The following KCTD8 variants were observed in gnomAD, a reference collection of about 807,000 sequenced individuals.
The protein encoded by KCTD8 is potassium channel tetramerization domain containing 8.
Under a neutral mutation model 31.5 loss-of-function variants are expected in KCTD8, and 27 were observed. The ratio of observed to expected loss-of-function variants is 0.86; its 90% CI spans 0.63 to 1.18. The LOEUF is 1.18. KCTD8 is among the 50% of genes most tolerant of loss of function. KCTD8 has a pLI of 0.00. For missense variants in KCTD8, 658 were observed against 647.7 expected (o/e 1.02, Z -0.17); for synonymous variants, 290 against 280.0 (o/e 1.04, Z -0.36).
chr4:44,418,784 T>C (rs1721140628), intron 1 of KCTD8, among the ~76,000 whole-genome samples: 1 of 152,162 alleles, frequency 6.6e-6, no homozygotes, highest in Non-Finnish European at 1.5e-5. Flanking sequence ...TAAAAACAGA[T>C]ACTATGCATC....
chr4:44,186,316 C>A (rs1192779631), intron 1 of KCTD8, among the ~76,000 whole-genome samples: 2 of 152,210 alleles, frequency 1.3e-5, no homozygotes, highest in Non-Finnish European at 2.9e-5. Context: ...AGGCAAAAAA[C>A]ACCTTTCCAC....
At chr4:44,292,016 T>A (rs1412369135) in intron 1 of KCTD8, among the ~76,000 whole-genome samples, 1 of 147,036 alleles carries the variant, frequency 6.8e-6, no homozygotes, top group African/African-American at 2.5e-5. Context: ...GAAAGAACAC[T>A]TATACACTCT....
At chr4:44,246,719 T>A (rs1715677843) in intron 1 of KCTD8, among the ~76,000 whole-genome samples, 1 of 151,976 alleles carries the variant, frequency 6.6e-6, no homozygotes, top group Non-Finnish European at 1.5e-5. Flanking sequence ...CATTCCCCCA[T>A]TTCTACCTTC....
intron 1 of KCTD8, among the ~76,000 whole-genome samples, chr4:44,192,668 T>C (rs1713799805): frequency 6.6e-6 from 1 of 152,152 alleles, no homozygotes; most frequent in South Asian, 2.1e-4. Flanking sequence ...GAATGCCAAC[T>C]TGATTGGATT....
At chr4:44,250,120 C>A (rs530551630) in intron 1 of KCTD8, among the ~76,000 whole-genome samples, 1 of 151,710 alleles carries the variant, frequency 6.6e-6, no homozygotes, top group African/African-American at 2.4e-5. Flanking sequence ...TGTGAAAATG[C>A]ACATGTGTAA....
At chr4:44,267,567 A>T (rs530707380) in intron 1 of KCTD8, among the ~76,000 whole-genome samples, 1 of 152,186 alleles carries the variant, frequency 6.6e-6, no homozygotes, top group Non-Finnish European at 1.5e-5. Flanking sequence ...AAGGAAATAG[A>T]GACAAATAAA....
intron 1 of KCTD8, among the ~76,000 whole-genome samples, chr4:44,330,583 A>G (rs1315762842): frequency 6.6e-6 from 1 of 152,008 alleles, no homozygotes; most frequent in African/African-American, 2.4e-5. Context: ...AAGAAAAACT[A>G]GCATCTAAAA....
chr4:44,384,384 A>G (rs761226533), intron 1 of KCTD8, among the ~76,000 whole-genome samples: 1 of 151,946 alleles, frequency 6.6e-6, no homozygotes, highest in Non-Finnish European at 1.5e-5. Flanking sequence ...TAGCCAAAAT[A>G]TGGAGTCAAC....
intron 1 of KCTD8, among the ~76,000 whole-genome samples, chr4:44,235,578 T>TATATATAGAGAG (rs1553895183): frequency 1.6e-5 from 1 of 64,102 alleles, no homozygotes; most frequent in Non-Finnish European, 3.3e-5. Flanking sequence ...TATATATATT[T>TATATATAGAGAG]AGAGAGAGAG....
intron 1 of KCTD8, among the ~76,000 whole-genome samples, chr4:44,203,421 C>T (rs1323492533): frequency 1.3e-4 from 19 of 143,986 alleles, no homozygotes; most frequent in Non-Finnish European, 1.5e-4. Context: ...ACCCAGGAAG[C>T]GGAGGTTGCA....
At chr4:44,338,909 T>C (rs903071994) in intron 1 of KCTD8, among the ~76,000 whole-genome samples, 2 of 152,022 alleles carry the variant, frequency 1.3e-5, no homozygotes, top group Non-Finnish European at 2.9e-5. Context: ...TAGACACACA[T>C]GAAAATAAGT....
Position 44,447,988 on chromosome 4 carries a change from A to C in KCTD8, c.536T>G (p.Leu179Arg). The change falls in exon 1 of 2, where the codon CTG becomes CGG. Residue 179 changes from leucine to arginine, a missense_variant. Coordinates refer to ENST00000360029, the MANE Select transcript of KCTD8 (RefSeq NM_198353.3). ...GGGCACGGCGGCCGCCGCCCCGCGCAGCAGCAGCGCGTCGCTGCTACCCTG... is the reference window on the plus strand; with the variant it reads ...GGGCACGGCGGCCGCCGCCCCGCGCCGCAGCAGCGCGTCGCTGCTACCCTG... ...VSQGSSDALL[L>R]RGAAAAVPSG... is the part of the protein sequence containing the mutation. The C allele has an allele frequency of 6.4e-7, 1 of 1,554,356 alleles. No individual in the cohort carries two copies.
intron 1 of KCTD8, among the ~76,000 whole-genome samples, chr4:44,194,747 C>A: frequency 8.8e-6 from 1 of 113,444 alleles, no homozygotes; most frequent in Non-Finnish European, 1.8e-5. Context: ...TTTCTCTCTC[C>A]CTTCCCTCCC....
intron 1 of KCTD8, among the ~76,000 whole-genome samples, chr4:44,210,805 A>C (rs950776400): frequency 6.6e-6 from 1 of 152,156 alleles, no homozygotes; most frequent in African/African-American, 2.4e-5. Flanking sequence ...AAGCAGTTCT[A>C]TTACTGGGAG....
intron 1 of KCTD8, among the ~76,000 whole-genome samples, chr4:44,406,505 A>C (rs1161139794): frequency 6.6e-6 from 1 of 152,116 alleles, no homozygotes; most frequent in Non-Finnish European, 1.5e-5. Context: ...TTTTGCCACC[A>C]TGTAAGAAGT....
intron 1 of KCTD8, among the ~76,000 whole-genome samples, chr4:44,373,493 CTT>C (rs1431200745): frequency 3.3e-5 from 5 of 152,104 alleles, no homozygotes; most frequent in African/African-American, 1.2e-4. Context: ...CACATTTCCT[CTT>C]TGTAAATGGA....
chr4:44,235,578 T>TGAGAG (rs1553895184), intron 1 of KCTD8, among the ~76,000 whole-genome samples: 1 of 64,102 alleles, frequency 1.6e-5, no homozygotes, highest in African/African-American at 5.1e-5. Context: ...TATATATATT[T>TGAGAG]AGAGAGAGAG....
At chr4:44,181,440 G>T (rs1345278579) in intron 1 of KCTD8, among the ~76,000 whole-genome samples, 1 of 152,300 alleles carries the variant, frequency 6.6e-6, no homozygotes, top group East Asian at 1.9e-4. Flanking sequence ...TGGAGACGGG[G>T]TTTCGCTGTG....
intron 1 of KCTD8, among the ~76,000 whole-genome samples, chr4:44,245,618 G>T (rs775279987): frequency 9.9e-5 from 15 of 151,892 alleles, no homozygotes; most frequent in Middle Eastern, 3.2e-3. Flanking sequence ...CATAATCCAA[G>T]AAAGTGATAA....
Sources: gnomAD v4.1 joint callset for allele counts (sites outside exome capture counted in the v4.1 genomes callset) on GRCh38, gnomAD v4.1.1 for gene constraint, MANE v1.5 for transcripts, NCBI Gene and HGNC (gene_info 2026-07-23, HGNC 2026-07-21) for gene names.